DLG2: variants seen among roughly 807,000 people sequenced by gnomAD.
DLG2 encodes the protein discs large MAGUK scaffold protein 2.
Under a neutral mutation model 132.5 loss-of-function variants are expected in DLG2, and 45 were observed. The observed-to-expected ratio is 0.34, with a 90% confidence interval of 0.27 to 0.44. The LOEUF (loss-of-function observed/expected upper bound fraction) is 0.44, where lower values mean the gene tolerates loss of function less well. DLG2 is among the 20% of genes least tolerant of loss of function. DLG2 has a pLI of 1.00. For missense variants in DLG2, 1,045 were observed against 1,196.9 expected (o/e 0.87, Z 1.87); for synonymous variants, 424 against 419.6 (o/e 1.01, Z -0.13).
intron 3 of DLG2, among the ~76,000 whole-genome samples, chr11:85,356,412 C>A (rs1379085071): frequency 6.6e-6 from 1 of 151,740 alleles, no homozygotes; most frequent in Non-Finnish European, 1.5e-5. Context: ...ACACTTGATA[C>A]TGAGAGTTGA....
chr11:85,253,691 C>T (rs1327708740), intron 4 of DLG2, among the ~76,000 whole-genome samples: 2 of 152,110 alleles, frequency 1.3e-5, no homozygotes, highest in African/African-American at 4.8e-5. Flanking sequence ...TGCACCCACA[C>T]TCATGGCACC....
chr11:84,177,373 T>C (rs1238350745), intron 8 of DLG2, among the ~76,000 whole-genome samples: 1 of 152,178 alleles, frequency 6.6e-6, no homozygotes, highest in Non-Finnish European at 1.5e-5. Context: ...GCTCTGCTAA[T>C]GCTGTTTCTC....
At chr11:84,077,044 T>A (rs1456722644) in intron 10 of DLG2, among the ~76,000 whole-genome samples, 4 of 152,312 alleles carry the variant, frequency 2.6e-5, no homozygotes, top group Admixed American at 6.5e-5. Flanking sequence ...CTCTCTATAT[T>A]CTGCATCTTC....
chr11:83,557,303 T>C (rs1411847856), intron 19 of DLG2, among the ~76,000 whole-genome samples: 1 of 152,194 alleles, frequency 6.6e-6, no homozygotes, highest in Non-Finnish European at 1.5e-5. Context: ...ACAAGGACAG[T>C]CTACTCTGAA....
At chr11:84,606,145 T>A (rs1678278372) in intron 6 of DLG2, among the ~76,000 whole-genome samples, 1 of 152,068 alleles carries the variant, frequency 6.6e-6, no homozygotes, top group Non-Finnish European at 1.5e-5. Flanking sequence ...TACAAAAAAT[T>A]AATTCTATGT....
chr11:85,184,096 T>G (rs2079919902), intron 4 of DLG2, among the ~76,000 whole-genome samples: 1 of 151,980 alleles, frequency 6.6e-6, no homozygotes, highest in Non-Finnish European at 1.5e-5. Flanking sequence ...CCTTGCCTTT[T>G]GTCCCTTAAC....
At chr11:85,045,016 G>A (rs2062203353) in intron 6 of DLG2, among the ~76,000 whole-genome samples, 1 of 151,978 alleles carries the variant, frequency 6.6e-6, no homozygotes. Flanking sequence ...CTGGAAATAG[G>A]AAAGTAGGAT....
intron 6 of DLG2, among the ~76,000 whole-genome samples, chr11:84,644,564 G>T (rs1355908208): frequency 6.6e-6 from 1 of 151,958 alleles, no homozygotes; most frequent in African/African-American, 2.4e-5. Context: ...AAATTAGCCG[G>T]GCGTGGTGGC....
intron 8 of DLG2, among the ~76,000 whole-genome samples, chr11:84,210,484 T>C (rs922390583): frequency 4.1e-5 from 6 of 147,942 alleles, no homozygotes; most frequent in Admixed American, 1.4e-4. Flanking sequence ...CATGTATACA[T>C]ATGTAACTAA....
intron 6 of DLG2, among the ~76,000 whole-genome samples, chr11:84,961,645 G>T (rs1311268798): frequency 6.6e-6 from 1 of 151,636 alleles, no homozygotes; most frequent in Non-Finnish European, 1.5e-5. Context: ...CATCATTTAT[G>T]AAACTCCTGT....
intron 11 of DLG2, among the ~76,000 whole-genome samples, chr11:84,009,895 A>T (rs1285297944): frequency 6.6e-6 from 1 of 152,092 alleles, no homozygotes; most frequent in Non-Finnish European, 1.5e-5. Flanking sequence ...GATGTTAAGT[A>T]GTTTTCTTAA....
intron 6 of DLG2, among the ~76,000 whole-genome samples, chr11:85,021,859 T>C (rs2060103495): frequency 2.0e-5 from 3 of 152,158 alleles, no homozygotes; most frequent in Non-Finnish European, 2.9e-5. Context: ...ATTTGCCTTC[T>C]TTTCACACGT....
At position 84,108,915 on chromosome 11, in the gene DLG2, C is replaced by T. The variant is rs79920982; in HGVS notation, c.625-9868G>A. Among the ~76,000 whole-genome samples the T allele has an allele frequency of 2.3e-3, 342 of 151,872 alleles. 1 individual carries two copies. In the East Asian group the frequency reaches 0.024, roughly 10 times the overall value. On this transcript the variant is annotated intron_variant, in intron 9 of 27. Coordinates refer to ENST00000376104, the MANE Select transcript of DLG2 (RefSeq NM_001142699.3). ...TGACTGGACTTACTGATGGCTGGAA[C>T]GTGAAAGGTGGAAAAGAGAAGAATC...
In DLG2 at chr11:84,810,952, G is replaced by A. The variant is rs551397488; in HGVS notation, c.358-276221C>T. ...GACTAAAAGTAGAGAAGGGGGTGTGGCAATGAAAGGACAACATGTGGGGTC... is the reference window on the plus strand; with the variant it reads ...GACTAAAAGTAGAGAAGGGGGTGTGACAATGAAAGGACAACATGTGGGGTC... On this transcript the variant is annotated intron_variant, in intron 6 of 27. Transcript: ENST00000376104. Among the ~76,000 whole-genome samples the A allele has an allele frequency of 2.5e-4, 38 of 152,238 alleles. 1 individual carries two copies. The highest frequency in any genetic ancestry group is 6.8e-3 in the Middle Eastern group (2 of 294).
intron 6 of DLG2, among the ~76,000 whole-genome samples, chr11:84,544,579 C>A (rs2099385821): frequency 6.6e-6 from 1 of 152,194 alleles, no homozygotes; most frequent in South Asian, 2.1e-4. Context: ...TGCATGAATT[C>A]TGGCATTAGA....
chr11:84,246,802 A>G, intron 8 of DLG2, among the ~76,000 whole-genome samples: 1 of 152,188 alleles, frequency 6.6e-6, no homozygotes, highest in Admixed American at 6.5e-5. Context: ...ATAAGGTGAG[A>G]CTACTGTATT....
At chr11:85,393,712 G>A (rs1289981382) in intron 3 of DLG2, among the ~76,000 whole-genome samples, 8 of 150,888 alleles carry the variant, frequency 5.3e-5, no homozygotes, top group Non-Finnish European at 7.4e-5. Context: ...ATGGCCAAGT[G>A]GTATTCTATT....
chr11:84,316,824 C>A (rs1301721505), intron 7 of DLG2: 1 of 1,606,310 alleles, frequency 6.2e-7, no homozygotes, highest in Non-Finnish European at 8.5e-7. Context: ...AAAAGGCTCA[C>A]CTGTGCTGGG....
intron 6 of DLG2, among the ~76,000 whole-genome samples, chr11:84,985,958 C>T (rs1337159207): frequency 1.7e-5 from 2 of 120,430 alleles, no homozygotes; most frequent in Admixed American, 2.2e-4. Context: ...CACCATTGCA[C>T]TCCAGCCTGG....
Sources: allele counts gnomAD v4.1 joint callset (sites outside exome capture counted in the v4.1 genomes callset), GRCh38; gene constraint gnomAD v4.1.1; transcripts MANE v1.5; gene names NCBI Gene and HGNC (gene_info 2026-07-23, HGNC 2026-07-21).